Variants in ENOX1 observed in about 807,000 individuals in gnomAD.
The protein encoded by ENOX1 is candidate growth-related and time keeping constitutive hydroquinone (NADH) oxidase.
ENOX1 carries 42 observed loss-of-function variants against 82.5 expected under a neutral mutation model. That is an observed-to-expected ratio of 0.51 (90% CI 0.40 to 0.66). The LOEUF (loss-of-function observed/expected upper bound fraction) is 0.66. ENOX1 is among the 30% of genes least tolerant of loss of function. The pLI, the probability that ENOX1 is intolerant of heterozygous loss-of-function variation, is 0.00. For synonymous variants in ENOX1, 271 were observed against 282.2 expected, an observed-to-expected ratio of 0.96 and a Z score of 0.40; for missense variants, 608 against 811.6, an observed-to-expected ratio of 0.75 and a Z score of 3.05.
At chr13:43,500,683 C>A (rs1841541521) in intron 2 of ENOX1, among the ~76,000 whole-genome samples, 1 of 151,806 alleles carries the variant, frequency 6.6e-6, no homozygotes, top group Non-Finnish European at 1.5e-5. Context: ...CAGACTAATA[C>A]ATAACAATGT....
intron 3 of ENOX1, among the ~76,000 whole-genome samples, chr13:43,430,292 A>G (rs2055578211): frequency 6.6e-6 from 1 of 152,210 alleles, no homozygotes; most frequent in Non-Finnish European, 1.5e-5. Flanking sequence ...CTAGTAATCA[A>G]CAAACTTAAA....
Position 43,344,690 on chromosome 13 carries a change from A to G in ENOX1, c.884T>C (p.Val295Ala). The change falls in exon 9 of 17, where the codon GTG becomes GCG. Residue 295 changes from valine (V) to alanine (A), a missense_variant. Transcript: ENST00000690772. ...GAACTGGTTTGCAGAGCGCCGATTC[A>G]CTTCCCCTCGTTCAATCCAGGAAAG... ...VLLSWIERGE[V>A]NRRSANQFYS... is the part of the protein sequence containing the mutation. The G allele has an allele frequency of 6.2e-7, 1 of 1,614,110 alleles. No homozygotes were observed. Among genetic ancestry groups the G allele is most frequent in the Non-Finnish European group, 8.5e-7 (1 of 1,180,014 alleles).
intron 14 of ENOX1, among the ~76,000 whole-genome samples, chr13:43,256,202 A>G (rs1018315506): frequency 6.6e-6 from 1 of 152,208 alleles, no homozygotes; most frequent in Non-Finnish European, 1.5e-5. Flanking sequence ...TGAAACTACT[A>G]GGAGAAAACA....
chr13:43,221,369 G>A (rs2041779944), intron 16 of ENOX1, among the ~76,000 whole-genome samples: 1 of 152,204 alleles, frequency 6.6e-6, no homozygotes, highest in Non-Finnish European at 1.5e-5. Flanking sequence ...ACAAGAGGTT[G>A]GGCTTGATGG....
chr13:43,555,407 ACT>A (rs2153701965), intron 2 of ENOX1, among the ~76,000 whole-genome samples: 1 of 152,310 alleles, frequency 6.6e-6, no homozygotes, highest in African/African-American at 2.4e-5. Flanking sequence ...TGTTGACTTC[ACT>A]AATTAGTCTA....
intron 8 of ENOX1, among the ~76,000 whole-genome samples, chr13:43,349,437 C>T (rs1487643525): frequency 6.6e-6 from 1 of 152,200 alleles, no homozygotes; most frequent in African/African-American, 2.4e-5. Flanking sequence ...TATCAGATGT[C>T]ACCACTGGAA....
At chr13:43,408,424 A>C (rs1305103800) in intron 5 of ENOX1, among the ~76,000 whole-genome samples, 2 of 152,258 alleles carry the variant, frequency 1.3e-5, no homozygotes, top group East Asian at 3.8e-4. Flanking sequence ...AAGTACTCAT[A>C]AAATCCAGCC....
chr13:43,245,208 T>C (rs562186717), intron 14 of ENOX1, among the ~76,000 whole-genome samples: 2 of 152,226 alleles, frequency 1.3e-5, no homozygotes, highest in Admixed American at 6.5e-5. Context: ...ACACTGGTTC[T>C]ATTTGCCGCT....
intron 2 of ENOX1, among the ~76,000 whole-genome samples, chr13:43,518,128 C>G (rs1191087583): frequency 3.3e-5 from 5 of 152,088 alleles, no homozygotes; most frequent in Non-Finnish European, 5.9e-5. Context: ...CAAAACAAAA[C>G]CAATCTAAGA....
At chr13:43,341,989 C>T (rs1345866858) in intron 9 of ENOX1, among the ~76,000 whole-genome samples, 1 of 152,100 alleles carries the variant, frequency 6.6e-6, no homozygotes, top group Non-Finnish European at 1.5e-5. Flanking sequence ...TATGTGATTT[C>T]AGCTGGAAAA....
chr13:43,446,119 C>G (rs927741932), intron 3 of ENOX1, among the ~76,000 whole-genome samples: 1 of 151,590 alleles, frequency 6.6e-6, no homozygotes, highest in African/African-American at 2.4e-5. Flanking sequence ...ATGCAGGTAT[C>G]TTTGAAACAA....
Position 43,388,703 on chromosome 13 carries a change from G to C in ENOX1, c.208+23213C>G, listed in dbSNP as rs1360321946. ...ACTGCCCTCGGGTGGGTAGGAGAGA[G>C]CATCTCTGAAATTGGCCAGAGCTAC... On this transcript the variant is annotated intron_variant, in intron 5 of 16. Coordinates refer to ENST00000690772, the MANE Select transcript of ENOX1 (RefSeq NM_001347969.2). 2.6e-5 allele frequency among the ~76,000 whole-genome samples: 4 copies of C among 152,176 alleles called. No individual in the cohort carries two copies. The East Asian group carries it at 7.7e-4, about 29-fold the overall frequency.
chr13:43,361,560 G>A (rs1361467402), intron 5 of ENOX1, 108 bp from the exon 6 acceptor site: 1 of 1,023,506 alleles, frequency 9.8e-7, no homozygotes. Flanking sequence ...TATTTTTCAG[G>A]AATTTCTCCT....
At chr13:43,486,331 C>G (rs1391010974) in intron 2 of ENOX1, among the ~76,000 whole-genome samples, 1 of 151,998 alleles carries the variant, frequency 6.6e-6, no homozygotes, top group African/African-American at 2.4e-5. Context: ...CTGCAGTGAG[C>G]CAAGATTGCA....
chr13:43,256,940 A>AT (rs2043784646), intron 14 of ENOX1, among the ~76,000 whole-genome samples: 3 of 148,090 alleles, frequency 2.0e-5, no homozygotes, highest in Admixed American at 2.0e-4. Flanking sequence ...AGAAACTGTG[A>AT]TATATATATA....
At chr13:43,216,197 CAA>C in intron 16 of ENOX1, among the ~76,000 whole-genome samples, 1 of 150,592 alleles carries the variant, frequency 6.6e-6, no homozygotes, top group South Asian at 2.1e-4. Context: ...GACTCCGTCT[CAA>C]AAAAAAATGG....
At chr13:43,545,566 G>A (rs1245397462) in intron 2 of ENOX1, 1 of 152,328 alleles carries the variant, frequency 6.6e-6, no homozygotes, top group Non-Finnish European at 1.5e-5. Context: ...TCGGTGGGGA[G>A]TGTGGAGCTT....
At chr13:43,324,005 C>T (rs2047962841) in intron 10 of ENOX1, among the ~76,000 whole-genome samples, 1 of 152,160 alleles carries the variant, frequency 6.6e-6, no homozygotes, top group Admixed American at 6.5e-5. Context: ...GGTGCAGGGG[C>T]ACCAATCACA....
chr13:43,516,173 A>G (rs1324908781), intron 2 of ENOX1, among the ~76,000 whole-genome samples: 1 of 152,144 alleles, frequency 6.6e-6, no homozygotes, highest in Non-Finnish European at 1.5e-5. Context: ...AACAGAATTT[A>G]CCAAAAGTTT....
Sources: allele counts gnomAD v4.1 joint callset (sites outside exome capture counted in the v4.1 genomes callset), GRCh38; gene constraint gnomAD v4.1.1; transcripts MANE v1.5; gene names NCBI Gene and HGNC (gene_info 2026-07-23, HGNC 2026-07-21).